The following C1orf21 variants were observed in gnomAD, a reference collection of about 807,000 sequenced individuals.
C1orf21 encodes uncharacterized protein C1orf21.
A neutral mutation model predicts 18.7 loss-of-function variants in C1orf21; 3 were observed. The observed-to-expected ratio is 0.16, with a 90% CI of 0.07 to 0.42. C1orf21 has a LOEUF of 0.42. C1orf21 is among the 10% of genes least tolerant of loss of function. The pLI, the probability that C1orf21 is intolerant of heterozygous loss-of-function variation, is 0.99. For synonymous variants in C1orf21, 41 were observed against 46.4 expected (o/e 0.88, Z 0.47); for missense variants, 104 against 143.6 (o/e 0.72, Z 1.41).
At position 184,624,282 on chromosome 1, in the gene C1orf21, A is replaced by C. The variant is rs1169838361; in HGVS notation, c.*4726A>C. ...TGTTTTATTTGGCCTCCCCTATCTGAGCTGCACACACACCAGGGGAGGCCA... is the reference window on the plus strand; with the variant it reads ...TGTTTTATTTGGCCTCCCCTATCTGCGCTGCACACACACCAGGGGAGGCCA... On this transcript the variant is annotated 3_prime_UTR_variant, in exon 6 of 6. Transcript: ENST00000235307. 1 of 152,384 alleles carries C rather than the reference A, an allele frequency of 6.6e-6. No homozygotes were observed. The highest frequency in any genetic ancestry group is 2.4e-5 in the African/African-American group (1 of 41,368). 9.4% of individuals were successfully genotyped at this position (152,384 alleles called of 1,614,324 possible).
intron 1 of C1orf21, among the ~76,000 whole-genome samples, chr1:184,406,713 A>G (rs1414817459): frequency 1.3e-5 from 2 of 152,206 alleles, no homozygotes; most frequent in Non-Finnish European, 2.9e-5. Flanking sequence ...AGGGAAATTT[A>G]TGGAGGCCAT....
At position 184,439,865 on chromosome 1, in the gene C1orf21, G is replaced by T. The variant is rs561762969; in HGVS notation, c.-124-37521G>T. Among the ~76,000 whole-genome samples, 7 of 152,294 alleles carry T rather than the reference G, an allele frequency of 4.6e-5. No homozygotes were observed. The East Asian group carries it at 1.3e-3, about 29-fold the overall frequency. On this transcript the variant is annotated intron_variant, in intron 1 of 5. Transcript: ENST00000235307. ...TACAAAGATGGTCAAAAGAAAGATG[G>T]TATGAAAAGTGGCATAAAAATTAAA...
chr1:184,503,835 A>T (rs893463297), intron 2 of C1orf21, among the ~76,000 whole-genome samples: 2 of 152,162 alleles, frequency 1.3e-5, no homozygotes, highest in African/African-American at 4.8e-5. Flanking sequence ...AAATGAATCA[A>T]CTAGAGAAAT....
chr1:184,608,595 A>G (rs878979268), intron 5 of C1orf21, among the ~76,000 whole-genome samples: 4 of 152,186 alleles, frequency 2.6e-5, no homozygotes, highest in Non-Finnish European at 5.9e-5. Flanking sequence ...ACAACCCTTA[A>G]TTTAACCTGT....
At position 184,621,458 on chromosome 1, in the gene C1orf21, A is replaced by C. The variant is rs1290214470; in HGVS notation, c.*1902A>C. 6.6e-6 allele frequency: 1 copy of C among 152,608 alleles called. No homozygotes were observed. The highest frequency in any genetic ancestry group is 6.5e-5 in the Admixed American group (1 of 15,282). The allele number at this position is 152,608 out of a possible 1,614,324, so 9.5% of individuals were successfully genotyped here. A position where few individuals can be genotyped will look rare whatever the true frequency, so the allele number is the denominator to read the frequency against. On this transcript the variant is annotated 3_prime_UTR_variant, in exon 6 of 6. Transcript: ENST00000235307. ...CCCTCATATGGTTTTTGGCCAAGTG[A>C]CTAAAACAGTTTTCCACAACTGTAA... is the stretch of plus-strand genomic sequence containing the variant.
intron 3 of C1orf21, among the ~76,000 whole-genome samples, chr1:184,512,265 G>A (rs11588922): frequency 0.46 from 69,310 of 152,066 alleles, 16,345 homozygotes; most frequent in African/African-American, 0.59. Flanking sequence ...TGGGATAACT[G>A]TGCATGATCT....
chr1:184,599,780 A>G (rs1273030839), intron 5 of C1orf21, among the ~76,000 whole-genome samples: 1 of 152,208 alleles, frequency 6.6e-6, no homozygotes, highest in African/African-American at 2.4e-5. Context: ...GTATCCCTAA[A>G]TCGAAATCCA....
intron 1 of C1orf21, among the ~76,000 whole-genome samples, chr1:184,398,190 A>G (rs1295643994): frequency 6.6e-6 from 1 of 152,218 alleles, no homozygotes; most frequent in Non-Finnish European, 1.5e-5. Context: ...GCTAACATGT[A>G]CTGAGTGATG....
intron 3 of C1orf21, among the ~76,000 whole-genome samples, chr1:184,586,579 G>C (rs1234642148): frequency 6.6e-6 from 1 of 152,092 alleles, no homozygotes; most frequent in Non-Finnish European, 1.5e-5. Flanking sequence ...CACCGCGCCC[G>C]GCCTTGTCCA....
Position 184,507,494 on chromosome 1 carries a change from G to A in C1orf21, c.95-94G>A, listed in dbSNP as rs2101963878. 2.9e-6 allele frequency: 3 copies of A among 1,041,008 alleles called. No homozygotes were observed. The South Asian group carries it at 4.7e-5, about 16-fold the overall frequency. The allele number at this position is 1,041,008 out of a possible 1,614,324, so 64.5% of individuals were successfully genotyped here. A position where few individuals can be genotyped will look rare whatever the true frequency, so the allele number is the denominator to read the frequency against. ...ACATATGAAGGCCACAGGTGAAAGG[G>A]TCTAGCAAATTACACTATTGGGATT... On this transcript the variant is annotated intron_variant, in intron 2 of 5. Coordinates refer to ENST00000235307, the MANE Select transcript of C1orf21 (RefSeq NM_030806.4).
At chr1:184,606,947 G>GGAATTATGAGGC (rs1444992761) in intron 5 of C1orf21, among the ~76,000 whole-genome samples, 3 of 152,138 alleles carry the variant, frequency 2.0e-5, no homozygotes, top group African/African-American at 7.2e-5. Flanking sequence ...CAGCTGGGAA[G>GGAATTATGAGGC]GAATTATGAG....
chr1:184,553,151 C>T (rs2101982552), intron 3 of C1orf21, among the ~76,000 whole-genome samples: 1 of 152,124 alleles, frequency 6.6e-6, no homozygotes, highest in South Asian at 2.1e-4. Flanking sequence ...TTGTCACAGA[C>T]ACGAGGATGA....
intron 1 of C1orf21, among the ~76,000 whole-genome samples, chr1:184,419,487 C>T (rs139868502): frequency 8.5e-5 from 13 of 152,220 alleles, no homozygotes; most frequent in African/African-American, 3.1e-4. Flanking sequence ...TTATTGAACA[C>T]CTGCTACATA....
chr1:184,517,202 A>G (rs1363226100), intron 3 of C1orf21, among the ~76,000 whole-genome samples: 1 of 152,212 alleles, frequency 6.6e-6, no homozygotes, highest in Non-Finnish European at 1.5e-5. Flanking sequence ...TTCAATCACT[A>G]ATAAAATGTT....
chr1:184,495,139 G>A (rs1657870512), intron 2 of C1orf21, among the ~76,000 whole-genome samples: 1 of 152,212 alleles, frequency 6.6e-6, no homozygotes. Context: ...AAGGGCCAGG[G>A]TGCCCGAAGA....
chr1:184,458,660 TG>T (rs1657256599), intron 1 of C1orf21, among the ~76,000 whole-genome samples: 1 of 152,228 alleles, frequency 6.6e-6, no homozygotes, highest in African/African-American at 2.4e-5. Context: ...TTATCTGGCT[TG>T]TTGCCACTTA....
At chr1:184,612,370 GCCCTA>G (rs1659749056) in intron 5 of C1orf21, among the ~76,000 whole-genome samples, 1 of 152,172 alleles carries the variant, frequency 6.6e-6, no homozygotes, top group African/African-American at 2.4e-5. Context: ...TGACTCCATT[GCCCTA>G]CCCATGAGGT....
At chr1:184,543,558 G>T (rs992365028) in intron 3 of C1orf21, among the ~76,000 whole-genome samples, 2 of 152,014 alleles carry the variant, frequency 1.3e-5, no homozygotes, top group Middle Eastern at 3.2e-3. Context: ...TTGGTATCTG[G>T]GAACTTCTTT....
At chr1:184,600,383 T>G (rs544413089) in intron 5 of C1orf21, among the ~76,000 whole-genome samples, 8 of 152,160 alleles carry the variant, frequency 5.3e-5, no homozygotes, top group Non-Finnish European at 1.0e-4. Context: ...GCCAGGCTGG[T>G]CTCGAACTCC....
Sources: gnomAD v4.1 joint callset for allele counts (sites outside exome capture counted in the v4.1 genomes callset) on GRCh38, gnomAD v4.1.1 for gene constraint, MANE v1.5 for transcripts, NCBI Gene and HGNC (gene_info 2026-07-23, HGNC 2026-07-21) for gene names.